Variants in SCHIP1 observed in about 807,000 individuals in gnomAD.
SCHIP1 encodes the protein schwannomin-interacting protein 1.
A neutral mutation model predicts 29.7 loss-of-function variants in SCHIP1; 8 were observed. The observed-to-expected ratio is 0.27, with a 90% CI of 0.16 to 0.49. The LOEUF (loss-of-function observed/expected upper bound fraction) is 0.49, where lower values mean the gene tolerates loss of function less well. Among genes scored for constraint, SCHIP1 ranks in the 20% least tolerant of loss-of-function variants. The probability of loss-of-function intolerance (pLI) is 0.99; values close to 1 mark genes in which losing one functional copy is unlikely to be tolerated. For missense variants in SCHIP1, 193 were observed against 294.6 expected (o/e 0.66, Z 2.52); for synonymous variants, 76 against 94.9 (o/e 0.80, Z 1.16).
At chr3:159,771,692 G>GT in the SCHIP1 span, among the ~76,000 whole-genome samples, 72 of 144,108 alleles carry the variant, frequency 5.0e-4, no homozygotes, top group Non-Finnish European at 7.3e-4. Flanking sequence ...TGTCTTTGTT[G>GT]TTTTTTTTTT....
chr3:159,525,579 A>G, the SCHIP1 span, among the ~76,000 whole-genome samples: 2 of 152,234 alleles, frequency 1.3e-5, no homozygotes, highest in Non-Finnish European at 2.9e-5. Flanking sequence ...TGGTGCATTG[A>G]GAGAGCACCA....
the SCHIP1 span, among the ~76,000 whole-genome samples, chr3:159,460,500 C>G: frequency 6.6e-6 from 1 of 152,074 alleles, no homozygotes. Flanking sequence ...TAGAGAAGGA[C>G]TCAAAGAATA....
the SCHIP1 span, among the ~76,000 whole-genome samples, chr3:159,529,468 ATTTTTT>A: frequency 1.3e-5 from 2 of 151,960 alleles, no homozygotes; most frequent in South Asian, 4.1e-4. Context: ...TTTTATTTTT[ATTTTTT>A]AAGTTATGGA....
chr3:159,440,282 T>C, the SCHIP1 span, among the ~76,000 whole-genome samples: 3 of 152,182 alleles, frequency 2.0e-5, no homozygotes, highest in African/African-American at 7.2e-5. Context: ...TCTGTTCTTG[T>C]ACCAGTACCA....
In SCHIP1 at chr3:159,855,392, C is replaced by A. The variant is rs533121320; in HGVS notation, c.31-10771C>A. Among the ~76,000 whole-genome samples, 8 of 152,174 alleles carry A rather than the reference C, an allele frequency of 5.3e-5. No individual in the cohort carries two copies. In the South Asian group the frequency reaches 1.5e-3, roughly 28 times the overall value. On this transcript the variant is annotated intron_variant, in intron 1 of 6. Transcript: ENST00000445224. The stretch of plus-strand genomic sequence containing the variant: ...AAAAATAACTTTCCCTAATTAGAAT[C>A]TTCCTTTTCTAATTTTTTCGCTAAT...
At chr3:159,715,380 A>C in the SCHIP1 span, among the ~76,000 whole-genome samples, 1 of 152,366 alleles carries the variant, frequency 6.6e-6, no homozygotes, top group South Asian at 2.1e-4. Context: ...GCAACAGAAC[A>C]AAGCTGGACG....
the SCHIP1 span, among the ~76,000 whole-genome samples, chr3:159,612,057 A>G: frequency 6.6e-6 from 1 of 152,298 alleles, no homozygotes; most frequent in East Asian, 1.9e-4. Context: ...CAGGCATTAA[A>G]ACTGTACCCA....
chr3:159,562,422 T>C, the SCHIP1 span, among the ~76,000 whole-genome samples: 2 of 152,204 alleles, frequency 1.3e-5, no homozygotes, highest in Non-Finnish European at 2.9e-5. Context: ...TCGAGAACTT[T>C]AGAGCTAATG....
the SCHIP1 span, among the ~76,000 whole-genome samples, chr3:159,537,911 C>A: frequency 6.6e-6 from 1 of 152,010 alleles, no homozygotes; most frequent in Non-Finnish European, 1.5e-5. Flanking sequence ...CACAGAAGAT[C>A]AAATTAAAAT....
the SCHIP1 span, among the ~76,000 whole-genome samples, chr3:159,732,410 T>G: frequency 2.6e-4 from 39 of 152,340 alleles, no homozygotes; most frequent in African/African-American, 7.0e-4. Context: ...CTTGCTGCTG[T>G]GCAGGTGAGT....
chr3:159,687,444 T>C, the SCHIP1 span, among the ~76,000 whole-genome samples: 3 of 152,208 alleles, frequency 2.0e-5, no homozygotes, highest in Admixed American at 1.3e-4. Flanking sequence ...GTATAAACTC[T>C]ATGCTCTGAG....
chr3:159,389,336 G>T, the SCHIP1 span, among the ~76,000 whole-genome samples: 1 of 151,848 alleles, frequency 6.6e-6, no homozygotes, highest in Non-Finnish European at 1.5e-5. Flanking sequence ...TTTTAGAAAA[G>T]CATGTTAAAA....
the SCHIP1 span, among the ~76,000 whole-genome samples, chr3:159,353,226 T>G: frequency 6.6e-6 from 1 of 152,060 alleles, no homozygotes; most frequent in Non-Finnish European, 1.5e-5. Flanking sequence ...GATGAGTTAA[T>G]GGGTGCAGCA....
chr3:159,401,850 C>T, the SCHIP1 span, among the ~76,000 whole-genome samples: 1 of 152,118 alleles, frequency 6.6e-6, no homozygotes, highest in Non-Finnish European at 1.5e-5. Context: ...GGAAGGGATC[C>T]AGTTTCAGCT....
the SCHIP1 span, among the ~76,000 whole-genome samples, chr3:159,769,279 G>A: frequency 5.5e-4 from 83 of 151,364 alleles, no homozygotes; most frequent in African/African-American, 1.9e-3. Flanking sequence ...GTTGCCAAGT[G>A]GGGTGGGAGG....
the SCHIP1 span, among the ~76,000 whole-genome samples, chr3:159,402,123 T>G: frequency 6.6e-6 from 1 of 152,118 alleles, no homozygotes; most frequent in Non-Finnish European, 1.5e-5. Flanking sequence ...GGACGAAGGA[T>G]ATGAACAGAC....
At chr3:159,825,264 A>T in the SCHIP1 span, among the ~76,000 whole-genome samples, 53 of 152,274 alleles carry the variant, frequency 3.5e-4, no homozygotes, top group South Asian at 2.7e-3. Context: ...CAGTTGAGTA[A>T]GTGTTAGCCT....
At chr3:159,293,076 A>G in the SCHIP1 span, among the ~76,000 whole-genome samples, 7 of 152,012 alleles carry the variant, frequency 4.6e-5, no homozygotes, top group Admixed American at 4.6e-4. Context: ...TAAAAATAAT[A>G]GCTGTTAAGC....
the SCHIP1 span, among the ~76,000 whole-genome samples, chr3:159,393,793 G>A: frequency 1.3e-4 from 20 of 151,814 alleles, no homozygotes; most frequent in Admixed American, 1.3e-3. Context: ...ACTTGGCGAT[G>A]CGGGCTCTTT....
Sources: allele counts gnomAD v4.1 joint callset (sites outside exome capture counted in the v4.1 genomes callset), GRCh38; gene constraint gnomAD v4.1.1; transcripts MANE v1.5; gene names NCBI Gene and HGNC (gene_info 2026-07-23, HGNC 2026-07-21).